PCSK6: variants seen among roughly 807,000 people sequenced by gnomAD.
The protein encoded by PCSK6 is proprotein convertase subtilisin/kexin type 6, also known as paired basic amino acid cleaving enzyme 4.
PCSK6 carries 85 observed loss-of-function variants against 123.3 expected under a neutral mutation model. The observed-to-expected ratio is 0.69, with a 90% confidence interval of 0.58 to 0.83. PCSK6 has a LOEUF of 0.83. Ranked by LOEUF, PCSK6 falls within the 40% of genes least tolerant of loss-of-function variation. The probability of loss-of-function intolerance (pLI) is 0.00; values close to 1 mark genes in which losing one functional copy is unlikely to be tolerated. For missense variants in PCSK6, 1,191 were observed against 1,282.3 expected (o/e 0.93, Z 1.09); for synonymous variants, 508 against 516.0 (o/e 0.98, Z 0.21).
At chr15:101,380,106 C>T (rs1156499624) in intron 11 of PCSK6, among the ~76,000 whole-genome samples, 1 of 152,164 alleles carries the variant, frequency 6.6e-6, no homozygotes, top group Non-Finnish European at 1.5e-5. Context: ...GATTCTTCTC[C>T]TCTTGGAGTT....
chr15:101,415,834 G>T (rs542881918), intron 6 of PCSK6, among the ~76,000 whole-genome samples: 80 of 152,242 alleles, frequency 5.3e-4, no homozygotes, highest in African/African-American at 1.9e-3. Flanking sequence ...TTTTTCTCTT[G>T]CCACCACCAT....
At chr15:101,460,376 CT>C (rs1163853595) in intron 1 of PCSK6, among the ~76,000 whole-genome samples, 2 of 152,226 alleles carry the variant, frequency 1.3e-5, no homozygotes, top group African/African-American at 4.8e-5. Context: ...CCCAGGCCCC[CT>C]GCCTACCTCC....
chr15:101,358,410 T>A (rs1414635247), intron 13 of PCSK6, among the ~76,000 whole-genome samples: 1 of 152,230 alleles, frequency 6.6e-6, no homozygotes, highest in Non-Finnish European at 1.5e-5. Context: ...CCCTGTTTGC[T>A]CCACTGAACT....
Position 101,398,310 on chromosome 15 carries a change from T to A in PCSK6, c.996+94A>T. On this transcript the variant is annotated intron_variant, in intron 7 of 21. Transcript: ENST00000611716. This position sits in a 1 kb window ranked among gnomAD's most constrained non-coding sequence, Gnocchi z 4.6. ...ACAGCAGAGTCTTCCCTGTCTTGTT[T>A]CAGGGCTGTGGCCAGTGTCACTCTG... The A allele has an allele frequency of 1.4e-6, 2 of 1,420,396 alleles. No individual in the cohort carries two copies. Among genetic ancestry groups the A allele is most frequent in the Non-Finnish European group, 1.9e-6 (2 of 1,045,342 alleles). 88.0% of individuals were successfully genotyped at this position (1,420,396 alleles called of 1,614,324 possible).
intron 16 of PCSK6, among the ~76,000 whole-genome samples, chr15:101,326,148 G>A (rs1027056758): frequency 3.3e-5 from 5 of 152,252 alleles, no homozygotes; most frequent in African/African-American, 9.6e-5. Flanking sequence ...AAGCACGGAC[G>A]CCAACGTGCA....
At chr15:101,431,525 T>G in intron 3 of PCSK6, 62 bp from the exon 4 acceptor site, 1 of 1,602,212 alleles carries the variant, frequency 6.2e-7, no homozygotes, top group Non-Finnish European at 8.5e-7. Context: ...GAACTGACAC[T>G]CGGTGCACAC....
At chr15:101,397,756 C>G (rs929671979) in intron 7 of PCSK6, among the ~76,000 whole-genome samples, 1 of 152,262 alleles carries the variant, frequency 6.6e-6, no homozygotes, top group Non-Finnish European at 1.5e-5. Context: ...CTTCCTCAGC[C>G]TTCCTGACAC....
chr15:101,320,211 G>A (rs576115353), intron 18 of PCSK6, among the ~76,000 whole-genome samples: 5 of 152,196 alleles, frequency 3.3e-5, no homozygotes, highest in East Asian at 1.9e-4. Flanking sequence ...TCAGCCTCCC[G>A]AGTAGCTGAG....
At chr15:101,482,167 G>C (rs2057905978) in intron 1 of PCSK6, among the ~76,000 whole-genome samples, 1 of 152,274 alleles carries the variant, frequency 6.6e-6, no homozygotes, top group Admixed American at 6.5e-5. Flanking sequence ...GCAGTAGAAG[G>C]TGAGTCAGAG....
chr15:101,320,469 C>T (rs531869874), intron 18 of PCSK6, among the ~76,000 whole-genome samples: 78 of 152,154 alleles, frequency 5.1e-4, no homozygotes, highest in Non-Finnish European at 7.5e-4. Flanking sequence ...GTTTTGGCTA[C>T]CAGAGGTGAA....
intron 13 of PCSK6, among the ~76,000 whole-genome samples, chr15:101,338,177 T>C (rs1479369941): frequency 6.6e-6 from 1 of 152,126 alleles, no homozygotes; most frequent in African/African-American, 2.4e-5. Flanking sequence ...AGTTACTTGA[T>C]AAGAATCACC....
intron 1 of PCSK6, among the ~76,000 whole-genome samples, chr15:101,484,437 G>T (rs1334405146): frequency 6.6e-6 from 1 of 151,438 alleles, no homozygotes; most frequent in Non-Finnish European, 1.5e-5. Flanking sequence ...GGCCAGACTG[G>T]AGTGCAGTCC....
chr15:101,407,988 C>T (rs888868022), intron 6 of PCSK6, among the ~76,000 whole-genome samples: 2 of 152,228 alleles, frequency 1.3e-5, no homozygotes, highest in African/African-American at 4.8e-5. Context: ...GGTTTGACAT[C>T]GAGGCTGACC....
intron 1 of PCSK6, among the ~76,000 whole-genome samples, chr15:101,477,156 G>T (rs1016025468): frequency 6.6e-6 from 1 of 152,198 alleles, no homozygotes; most frequent in Non-Finnish European, 1.5e-5. Context: ...TACAAGTTAC[G>T]CCATAGAAGA....
intron 2 of PCSK6, among the ~76,000 whole-genome samples, chr15:101,443,161 GA>G (rs1431667620): frequency 6.6e-6 from 1 of 152,074 alleles, no homozygotes; most frequent in Non-Finnish European, 1.5e-5. Flanking sequence ...AATCTTTGAG[GA>G]AAAAAAGTCA....
intron 12 of PCSK6, 107 bp from the exon 13 acceptor site, chr15:101,366,439 C>T: frequency 8.3e-7 from 1 of 1,199,274 alleles, no homozygotes; most frequent in South Asian, 1.6e-5. Context: ...CCTGGCTGGA[C>T]CGTACCCCCA....
chr15:101,320,372 C>T (rs2040091945), intron 18 of PCSK6, among the ~76,000 whole-genome samples: 1 of 152,232 alleles, frequency 6.6e-6, no homozygotes, highest in African/African-American at 2.4e-5. Flanking sequence ...AGGCGTGAGC[C>T]ACTGCGTTCA....
At chr15:101,467,441 T>C (rs1241531001) in intron 1 of PCSK6, among the ~76,000 whole-genome samples, 2 of 151,836 alleles carry the variant, frequency 1.3e-5, no homozygotes, top group South Asian at 2.1e-4. Context: ...CCAGCTAATT[T>C]TTTGTATTTT....
chr15:101,374,553 AG>A (rs369603776), intron 11 of PCSK6, among the ~76,000 whole-genome samples: 85 of 152,228 alleles, frequency 5.6e-4, no homozygotes, highest in African/African-American at 1.9e-3. Context: ...TGAATGTTCT[AG>A]GGCCATGTTG....
Sources: gnomAD v4.1 joint callset for allele counts (sites outside exome capture counted in the v4.1 genomes callset) on GRCh38, gnomAD v4.1.1 for gene constraint, Gnocchi (gnomAD v3.1) non-coding constraint, MANE v1.5 for transcripts, NCBI Gene and HGNC (gene_info 2026-07-23, HGNC 2026-07-21) for gene names.